Variants in NELL2 observed in about 807,000 individuals in gnomAD.
NELL2 encodes neural EGFL like 2, also known as protein kinase C-binding protein NELL2.
Under a neutral mutation model 109.6 loss-of-function variants are expected in NELL2, and 41 were observed. The observed-to-expected ratio is 0.37, with a 90% CI of 0.29 to 0.49. The LOEUF (loss-of-function observed/expected upper bound fraction) is 0.49. Ranked by LOEUF, NELL2 falls within the 20% of genes least tolerant of loss-of-function variation. The pLI is 0.98. For missense variants in NELL2, 900 were observed against 1,008.3 expected (o/e 0.89, Z 1.45); for synonymous variants, 355 against 344.7 (o/e 1.03, Z -0.33).
chr12:44,751,436 T>C (rs1376196297), intron 9 of NELL2, among the ~76,000 whole-genome samples: 1 of 152,212 alleles, frequency 6.6e-6, no homozygotes, highest in Non-Finnish European at 1.5e-5. Context: ...ATAGTTTATC[T>C]TCCTTCTTAA....
intron 15 of NELL2, among the ~76,000 whole-genome samples, chr12:44,560,496 A>G (rs1459482029): frequency 3.3e-5 from 5 of 152,202 alleles, no homozygotes; most frequent in Admixed American, 6.5e-5. Context: ...GATAAAGGTG[A>G]TATCACCACT....
rs79888413 is a variant in NELL2 at position 44,726,438 on chromosome 12, G to T, written c.995-11697C>A. Among the ~76,000 whole-genome samples the T allele has an allele frequency of 2.4e-4, 37 of 152,034 alleles. 1 individual carries two copies. The East Asian group carries it at 5.8e-3, about 24-fold the overall frequency. ...CTTCGCTTTCTAGTCCAGTCAAATC[G>T]CAATGGGCTTCGCTTTCTAGTCCAG... On this transcript the variant is annotated intron_variant, in intron 9 of 19. Coordinates refer to ENST00000429094, the MANE Select transcript of NELL2 (RefSeq NM_001145108.2).
intron 12 of NELL2, among the ~76,000 whole-genome samples, chr12:44,700,328 G>A (rs1949190552): frequency 6.6e-6 from 1 of 152,138 alleles, no homozygotes; most frequent in African/African-American, 2.4e-5. Flanking sequence ...CAGCTGGAGT[G>A]ATATGTTTAA....
In NELL2 at chr12:44,633,368, G is replaced by A. The variant is rs79243626; in HGVS notation, c.1445-22398C>T. Among the ~76,000 whole-genome samples, 172 of 152,200 alleles carry A rather than the reference G, an allele frequency of 1.1e-3. 3 individuals carry two copies. In the East Asian group the frequency reaches 0.026, roughly 23 times the overall value. The stretch of plus-strand genomic sequence containing the variant: ...TGCTGTTTTACTTTGTGATAAGTTA[G>A]GATGGTAGCTAGAGTGGGGTCCTCT... On this transcript the variant is annotated intron_variant, in intron 13 of 19. Transcript: ENST00000429094.
intron 15 of NELL2, among the ~76,000 whole-genome samples, chr12:44,548,912 T>C (rs1251166291): frequency 1.3e-5 from 2 of 152,174 alleles, no homozygotes; most frequent in East Asian, 1.9e-4. Context: ...TTAAATTGCC[T>C]TTATTTATTC....
At chr12:44,778,324 T>C (rs1941828328) in intron 5 of NELL2, among the ~76,000 whole-genome samples, 1 of 152,180 alleles carries the variant, frequency 6.6e-6, no homozygotes, top group South Asian at 2.1e-4. Flanking sequence ...ATTTTTACTG[T>C]GTGGGTATTA....
At chr12:44,743,273 G>A (rs575945530) in intron 9 of NELL2, among the ~76,000 whole-genome samples, 1 of 152,224 alleles carries the variant, frequency 6.6e-6, no homozygotes, top group African/African-American at 2.4e-5. Context: ...TCACCACCAG[G>A]CCTGCCCTAA....
At position 44,592,741 on chromosome 12, in the gene NELL2, C is replaced by CA. The variant is rs577293976; in HGVS notation, c.1663+14427dup. Among the ~76,000 whole-genome samples, 5 of 152,064 alleles carry CA rather than the reference C, an allele frequency of 3.3e-5. No homozygotes were observed. The South Asian group carries it at 1.0e-3, about 32-fold the overall frequency. ...AAGATATGTGCTATTGCAGATTTTA[C>CA]AAAAATATATGGCCAAGTGAGCACA... On this transcript the variant is annotated intron_variant, in intron 15 of 19. Transcript: ENST00000429094.
At chr12:44,554,889 G>A (rs1943185789) in intron 15 of NELL2, among the ~76,000 whole-genome samples, 1 of 152,084 alleles carries the variant, frequency 6.6e-6, no homozygotes, top group Non-Finnish European at 1.5e-5. Flanking sequence ...ATTAAAATGG[G>A]GAGTTACTTA....
intron 16 of NELL2, among the ~76,000 whole-genome samples, chr12:44,531,297 T>G (rs1417977981): frequency 6.6e-6 from 1 of 152,232 alleles, no homozygotes; most frequent in Non-Finnish European, 1.5e-5. Context: ...TTTTAAAAGA[T>G]GATCTCCATT....
chr12:44,912,315 T>A (rs1945788667), intron 1 of NELL2, among the ~76,000 whole-genome samples: 1 of 152,100 alleles, frequency 6.6e-6, no homozygotes. Flanking sequence ...TTCCACAGAC[T>A]ACTAGTTCTA....
In NELL2 at chr12:44,587,284, A is replaced by AAT. The variant is rs1555180982; in HGVS notation, c.1663+19883_1663+19884dup. Among the ~76,000 whole-genome samples the AAT allele has an allele frequency of 9.1e-4, 66 of 72,198 alleles. 1 individual carries two copies. The highest frequency in any genetic ancestry group is 1.1e-3 in the Non-Finnish European group (42 of 37,240). The allele number at this position is 72,198 out of a possible 152,430, so 47.4% of individuals were successfully genotyped here. A position where few individuals can be genotyped will look rare whatever the true frequency, so the allele number is the denominator to read the frequency against. Reference sequence around the variant, plus strand: ...AAGACTCCGTCTCAAAAAAAAAAAAAATATATATATATATATATATATATT... The same window carrying AAT: ...AAGACTCCGTCTCAAAAAAAAAAAAAATATATATATATATATATATATATATT... On this transcript the variant is annotated intron_variant, in intron 15 of 19. Coordinates refer to ENST00000429094, the MANE Select transcript of NELL2 (RefSeq NM_001145108.2).
At chr12:44,694,362 C>T (rs1001568083) in intron 12 of NELL2, among the ~76,000 whole-genome samples, 1 of 152,086 alleles carries the variant, frequency 6.6e-6, no homozygotes, top group Non-Finnish European at 1.5e-5. Flanking sequence ...CTCCAAATCT[C>T]GGGCCTTTGG....
chr12:44,731,566 T>C (rs1408844795), intron 9 of NELL2, among the ~76,000 whole-genome samples: 2 of 151,952 alleles, frequency 1.3e-5, no homozygotes, highest in Non-Finnish European at 2.9e-5. Flanking sequence ...AATAAAACAC[T>C]CAACAAACAA....
intron 2 of NELL2, among the ~76,000 whole-genome samples, chr12:44,820,291 G>T (rs1670418141): frequency 6.6e-6 from 1 of 152,120 alleles, no homozygotes; most frequent in Non-Finnish European, 1.5e-5. Flanking sequence ...AAACAGGAGG[G>T]GTAGGATTCA....
chr12:44,855,419 A>C (rs532921742), intron 2 of NELL2, among the ~76,000 whole-genome samples: 1 of 152,322 alleles, frequency 6.6e-6, no homozygotes, highest in South Asian at 2.1e-4. Context: ...AAATCAGTCT[A>C]AGTCTTTCTA....
intron 2 of NELL2, among the ~76,000 whole-genome samples, chr12:44,843,012 T>G (rs185142104): frequency 2.0e-4 from 30 of 152,262 alleles, no homozygotes; most frequent in Admixed American, 6.5e-4. Flanking sequence ...AGAGAATAAA[T>G]TTCTGTTGTT....
At chr12:44,712,390 C>T (rs560295142) in intron 10 of NELL2, among the ~76,000 whole-genome samples, 16 of 152,108 alleles carry the variant, frequency 1.1e-4, no homozygotes, top group African/African-American at 2.9e-4. Flanking sequence ...TGGAGTCAAA[C>T]GCTAGTCTTC....
intron 18 of NELL2, among the ~76,000 whole-genome samples, chr12:44,520,995 T>C (rs1469547385): frequency 1.3e-5 from 2 of 152,130 alleles, no homozygotes; most frequent in Non-Finnish European, 2.9e-5. Context: ...CTCACACAAA[T>C]AGAAAGAAAC....
Sources: allele counts gnomAD v4.1 joint callset (sites outside exome capture counted in the v4.1 genomes callset), GRCh38; gene constraint gnomAD v4.1.1; transcripts MANE v1.5; gene names NCBI Gene and HGNC (gene_info 2026-07-23, HGNC 2026-07-21).